The following CLMP variants were observed in gnomAD, a reference collection of about 807,000 sequenced individuals.
CLMP encodes CXADR-like membrane protein.
CLMP carries 27 observed loss-of-function variants against 45.2 expected under a neutral mutation model. The observed-to-expected ratio is 0.60, with a 90% confidence interval of 0.44 to 0.82. CLMP has a LOEUF of 0.82. CLMP is among the 40% of genes least tolerant of loss of function. The pLI, the probability that CLMP is intolerant of heterozygous loss-of-function variation, is 0.00. For synonymous variants in CLMP, 167 were observed against 171.4 expected (o/e 0.97, Z 0.20); for missense variants, 403 against 448.4 (o/e 0.90, Z 0.91).
chr11:123,157,956 T>G (rs1861437497), intron 1 of CLMP, among the ~76,000 whole-genome samples: 1 of 151,950 alleles, frequency 6.6e-6, no homozygotes, highest in South Asian at 2.1e-4. Context: ...CCACAGCCAT[T>G]TCTTTATTAC....
In CLMP at chr11:123,074,814, C is replaced by T. The variant is rs373546441; in HGVS notation, c.709G>A (p.Ala237Thr). 207 of 1,613,972 alleles carry T rather than the reference C, an allele frequency of 1.3e-4. No individual in the cohort carries two copies. Among genetic ancestry groups the T allele is most frequent in the Non-Finnish European group, 1.6e-4 (193 of 1,180,002 alleles). ...YVQSIGMVAG[A>T]VTGIVAGALL... ...GCTCCAGCCACTATGCCTGTCACTGCTCCTGCAACCATGCCGATGCTTTGT... is the reference window on the plus strand; with the variant it reads ...GCTCCAGCCACTATGCCTGTCACTGTTCCTGCAACCATGCCGATGCTTTGT... Residue 237 changes from alanine to threonine, a missense_variant, in exon 6 of 7, where the codon GCA becomes ACA. Coordinates refer to ENST00000448775, the MANE Select transcript of CLMP (RefSeq NM_024769.5).
rs920050627 is a variant in CLMP at position 123,073,777 on chromosome 11, G to A, written c.822-3C>T. 1.3e-6 allele frequency: 2 copies of A among 1,565,912 alleles called. No homozygotes were observed. The highest frequency in any genetic ancestry group is 1.2e-5 in the South Asian group (1 of 83,340). ...CTTTTGGAGCTTCAGCATCTTCTCT[G>A]AAGAGAAAAAACAGCAAAGATTAAC... On this transcript the variant is annotated splice_polypyrimidine_tract_variant and splice_region_variant and intron_variant, in intron 6 of 6. Transcript: ENST00000448775.
intron 5 of CLMP, among the ~76,000 whole-genome samples, chr11:123,081,420 A>G (rs547002415): frequency 3.3e-5 from 5 of 151,264 alleles, no homozygotes; most frequent in African/African-American, 1.2e-4. Flanking sequence ...CACTGCAAAC[A>G]TGGCTTGTGG....
intron 1 of CLMP, among the ~76,000 whole-genome samples, chr11:123,147,816 CT>C (rs34811211): frequency 0.16 from 22,420 of 142,888 alleles, 1,827 homozygotes; most frequent in South Asian, 0.26. Flanking sequence ...AAGACACTGA[CT>C]TTTTTTTTTT....
At chr11:123,106,423 G>T (rs1186462814) in intron 1 of CLMP, among the ~76,000 whole-genome samples, 3 of 70,804 alleles carry the variant, frequency 4.2e-5, no homozygotes, top group Non-Finnish European at 9.6e-5. Flanking sequence ...GTGTGTGTGT[G>T]TGCGCGCGCG....
chr11:123,130,612 ACTGCATTGTTC>A (rs1280895903), intron 1 of CLMP, among the ~76,000 whole-genome samples: 1 of 152,124 alleles, frequency 6.6e-6, no homozygotes, highest in Non-Finnish European at 1.5e-5. Flanking sequence ...CCCACTGGGA[ACTGCATTGTTC>A]CTGCCTCCTG....
Position 123,194,941 on chromosome 11 carries a change from C to T in CLMP, c.-1G>A. 6.2e-7 allele frequency: 1 copy of T among 1,612,406 alleles called. No individual in the cohort carries two copies. Among genetic ancestry groups the T allele is most frequent in the Non-Finnish European group, 8.5e-7 (1 of 1,179,206 alleles). On this transcript the variant is annotated 5_prime_UTR_variant, in exon 1 of 7. Coordinates refer to ENST00000448775, the MANE Select transcript of CLMP (RefSeq NM_024769.5). The stretch of plus-strand genomic sequence containing the variant: ...GCAAGAGGAGAAGGAGGAGGGACAT[C>T]CCGATCCCCGGACGCGGGCGCTTCC...
chr11:123,154,800 C>T (rs958433388), intron 1 of CLMP, among the ~76,000 whole-genome samples: 3 of 152,112 alleles, frequency 2.0e-5, no homozygotes, highest in Non-Finnish European at 4.4e-5. Context: ...GATTTTCACT[C>T]GCTGATCAGA....
chr11:123,183,738 TG>T (rs1403614554), intron 1 of CLMP, among the ~76,000 whole-genome samples: 1 of 152,150 alleles, frequency 6.6e-6, no homozygotes, highest in Non-Finnish European at 1.5e-5. Flanking sequence ...CAGCCTTACC[TG>T]GCAACCATCT....
At chr11:123,151,569 G>A (rs568696341) in intron 1 of CLMP, among the ~76,000 whole-genome samples, 5 of 152,244 alleles carry the variant, frequency 3.3e-5, no homozygotes, top group East Asian at 1.9e-4. Context: ...CTTTTCCAGC[G>A]GAGGAACTCA....
intron 2 of CLMP, among the ~76,000 whole-genome samples, chr11:123,090,273 C>A (rs1865915254): frequency 7.1e-6 from 1 of 140,370 alleles, no homozygotes. Context: ...GCGAAACCCC[C>A]ATCTCCACTA....
chr11:123,189,733 C>T (rs552557066), intron 1 of CLMP, among the ~76,000 whole-genome samples: 1 of 152,170 alleles, frequency 6.6e-6, no homozygotes, highest in Non-Finnish European at 1.5e-5. Context: ...AATGGCCAGG[C>T]ACGGTGGCTA....
chr11:123,163,012 G>A (rs556381451), intron 1 of CLMP, among the ~76,000 whole-genome samples: 1 of 152,234 alleles, frequency 6.6e-6, no homozygotes, highest in African/African-American at 2.4e-5. Flanking sequence ...TTCCCAGCTA[G>A]GAAAGTGGGT....
At chr11:123,190,001 C>CAA (rs10594946) in intron 1 of CLMP, among the ~76,000 whole-genome samples, 31 of 129,424 alleles carry the variant, frequency 2.4e-4, no homozygotes, top group East Asian at 4.6e-4. Context: ...GACTCTGTCT[C>CAA]AAAAAAAAAA....
In CLMP at chr11:123,070,023, G is replaced by A. The variant is rs1158945912; in HGVS notation, c.*3451C>T. The A allele has an allele frequency of 6.6e-6, 1 of 152,202 alleles. No individual in the cohort carries two copies. Among genetic ancestry groups the A allele is most frequent in the Non-Finnish European group, 1.5e-5 (1 of 68,024 alleles). The allele number at this position is 152,202 out of a possible 1,614,324, so 9.4% of individuals were successfully genotyped here. ...ATAAACAGCTTAACACCAGAAGGAA[G>A]CAAAACTATATATGTCTTTTTGCAA... On this transcript the variant is annotated 3_prime_UTR_variant, in exon 7 of 7. Transcript: ENST00000448775.
chr11:123,091,462 T>C (rs960343894), intron 2 of CLMP, among the ~76,000 whole-genome samples: 3 of 152,184 alleles, frequency 2.0e-5, no homozygotes, highest in African/African-American at 7.2e-5. Flanking sequence ...CTGCTTAGAC[T>C]TTCCAATAAA....
At chr11:123,074,576 C>T in intron 6 of CLMP, 126 bp downstream of exon 6, 1 of 966,550 alleles carries the variant, frequency 1.0e-6, no homozygotes. Flanking sequence ...AACTTCCTAC[C>T]TACCAGGATA....
intron 1 of CLMP, among the ~76,000 whole-genome samples, chr11:123,193,451 A>G (rs529890023): frequency 6.6e-6 from 1 of 152,356 alleles, no homozygotes; most frequent in South Asian, 2.1e-4. Flanking sequence ...GAGTCCAGTA[A>G]AGGGAATCAA....
chr11:123,091,441 G>C (rs1003119553), intron 2 of CLMP, among the ~76,000 whole-genome samples: 3 of 152,060 alleles, frequency 2.0e-5, no homozygotes, highest in Non-Finnish European at 4.4e-5. Context: ...TGTACAGCTT[G>C]GTCTGAAGAG....
Sources: allele counts gnomAD v4.1 joint callset (sites outside exome capture counted in the v4.1 genomes callset), GRCh38; gene constraint gnomAD v4.1.1; transcripts MANE v1.5; gene names NCBI Gene and HGNC (gene_info 2026-07-23, HGNC 2026-07-21).